UBE4B: variants seen among roughly 807,000 people sequenced by gnomAD.
The protein encoded by UBE4B is ubiquitin conjugation factor E4 B.
UBE4B carries 27 observed loss-of-function variants against 148.1 expected under a neutral mutation model. The ratio of observed to expected loss-of-function variants is 0.18; its 90% CI spans 0.13 to 0.25. The LOEUF (loss-of-function observed/expected upper bound fraction) is 0.25. UBE4B is among the 10% of genes least tolerant of loss of function. The probability of loss-of-function intolerance (pLI) is 1.00; values close to 1 mark genes in which losing one functional copy is unlikely to be tolerated. For missense variants in UBE4B, 1,170 were observed against 1,662.4 expected (o/e 0.70, Z 5.15); for synonymous variants, 596 against 619.3 (o/e 0.96, Z 0.56).
chr1:10,146,218 G>A (rs192314115), intron 18 of UBE4B, among the ~76,000 whole-genome samples: 3 of 152,204 alleles, frequency 2.0e-5, no homozygotes, highest in Non-Finnish European at 4.4e-5. Flanking sequence ...TTGAGAGGCC[G>A]AGGCAGGCAG....
intron 25 of UBE4B, among the ~76,000 whole-genome samples, chr1:10,175,957 A>T (rs1245183788): frequency 6.6e-6 from 1 of 152,148 alleles, no homozygotes. Flanking sequence ...GTATCACCCC[A>T]AAAGGAAAAC....
intron 3 of UBE4B, among the ~76,000 whole-genome samples, chr1:10,099,103 A>C (rs1644970485): frequency 6.6e-6 from 1 of 152,054 alleles, no homozygotes; most frequent in Non-Finnish European, 1.5e-5. Context: ...TTAGCCGGGC[A>C]TGGTGGTGCG....
At position 10,139,046 on chromosome 1, in the gene UBE4B, T is replaced by G. The variant is rs568906410; in HGVS notation, c.2363+1841T>G. 4.6e-5 allele frequency among the ~76,000 whole-genome samples: 7 copies of G among 152,362 alleles called. No individual in the cohort carries two copies. The South Asian group carries it at 1.4e-3, about 32-fold the overall frequency. On this transcript the variant is annotated intron_variant, in intron 17 of 27. Transcript: ENST00000343090. ...TCAAAAGAAAGCCTGACCTGTAATT[T>G]TCATTTCTTGTTAAGTGCATCTCAA...
intron 7 of UBE4B, among the ~76,000 whole-genome samples, chr1:10,109,397 G>T (rs1177721529): frequency 1.3e-5 from 2 of 152,058 alleles, no homozygotes; most frequent in Non-Finnish European, 2.9e-5. Context: ...CATCTACTCG[G>T]TTCCTTTGGC....
At chr1:10,125,483 C>T (rs1478392469) in intron 10 of UBE4B, among the ~76,000 whole-genome samples, 1 of 152,234 alleles carries the variant, frequency 6.6e-6, no homozygotes, top group African/African-American at 2.4e-5. Flanking sequence ...ACTCCACGGA[C>T]ACTTTGTCAT....
chr1:10,106,430 C>G lies in UBE4B; in HGVS notation c.1043C>G (p.Ser348Trp), dbSNP rs752419508. The G allele has an allele frequency of 6.2e-7, 1 of 1,613,750 alleles. No individual in the cohort carries two copies. Among genetic ancestry groups the G allele is most frequent in the Non-Finnish European group, 8.5e-7 (1 of 1,179,822 alleles). The change falls in exon 7 of 28, where the codon TCG (serine) becomes TGG (tryptophan). Residue 348 changes from serine to tryptophan, a missense_variant. Ser to Trp is a radical substitution (Grantham distance 177). Coordinates refer to ENST00000343090, the MANE Select transcript of UBE4B (RefSeq NM_001105562.3). This position sits in a 1 kb window ranked among gnomAD's most constrained non-coding sequence, Gnocchi z 4.2. ...GCGTCCTCAGGCGTCTCCATTCTGT[C>G]GAGCTCCCCAAGTCCCCCTGCCCTC... ...PWASSGVSIL[S>W]SSPSPPALAS...
chr1:10,109,126 A>G (rs1443411747), intron 7 of UBE4B, among the ~76,000 whole-genome samples: 1 of 152,034 alleles, frequency 6.6e-6, no homozygotes, highest in Non-Finnish European at 1.5e-5. Context: ...ATTGTGCGCC[A>G]GATGTGGTGT....
At chr1:10,120,541 A>C (rs1387459935) in intron 9 of UBE4B, among the ~76,000 whole-genome samples, 1 of 152,094 alleles carries the variant, frequency 6.6e-6, no homozygotes, top group East Asian at 1.9e-4. Flanking sequence ...TTAATAAAAT[A>C]ATAAAAAATT....
At chr1:10,175,658 T>A (rs542965210) in intron 25 of UBE4B, among the ~76,000 whole-genome samples, 131 of 151,350 alleles carry the variant, frequency 8.7e-4, no homozygotes, top group African/African-American at 2.4e-3. Context: ...CTCAAATAAA[T>A]AAATAAATAA....
chr1:10,171,516 C>T (rs372686740), intron 25 of UBE4B, among the ~76,000 whole-genome samples, 187 bp downstream of exon 25: 39 of 152,218 alleles, frequency 2.6e-4, no homozygotes, highest in African/African-American at 8.9e-4. Flanking sequence ...GAGGCCAAGG[C>T]AGGGGGATTG....
chr1:10,045,698 C>T (rs999487689), intron 1 of UBE4B, among the ~76,000 whole-genome samples: 1 of 152,060 alleles, frequency 6.6e-6, no homozygotes, highest in Non-Finnish European at 1.5e-5. Context: ...AGAAAGGCGG[C>T]CATCGAAGGA....
rs1055537823 is a variant in UBE4B, at chr1:10,121,906, C to T, written c.1440-56C>T. ...CAGTTGTTGCTGACATGACATTTCA[C>T]GTGCCTCTGTAGTGAGTTGACTTCA... On this transcript the variant is annotated intron_variant, in intron 9 of 27. Transcript: ENST00000343090. The T allele has an allele frequency of 2.0e-5, 23 of 1,150,726 alleles. No individual in the cohort carries two copies. The African/African-American group carries it at 2.0e-4, about 10-fold the overall frequency. The allele number at this position is 1,150,726 out of a possible 1,614,324, so 71.3% of individuals were successfully genotyped here.
At chr1:10,054,477 TC>T in intron 1 of UBE4B, 1 of 431,648 alleles carries the variant, frequency 2.3e-6, no homozygotes, top group South Asian at 2.0e-5. Flanking sequence ...TTCCAGCAGC[TC>T]AGGCTTCTTC....
intron 23 of UBE4B, among the ~76,000 whole-genome samples, chr1:10,162,607 CT>C (rs61393825): frequency 0.042 from 5,633 of 135,092 alleles, 251 homozygotes; most frequent in African/African-American, 0.12. Flanking sequence ...CGCGCCCAGA[CT>C]TTTTTTTTTT....
intron 1 of UBE4B, among the ~76,000 whole-genome samples, chr1:10,037,665 C>T (rs1333340941): frequency 6.6e-6 from 1 of 151,994 alleles, no homozygotes; most frequent in Non-Finnish European, 1.5e-5. Context: ...TCAAGTGATC[C>T]TCCCACCTCA....
rs546600864 is a variant in UBE4B, at chr1:10,080,646, T to C, written c.211+8432T>C. ...AGCATTATTCCAAATAGCCAAGATA[T>C]GGAAGCAACCTAAATAATCCATCTT... is the stretch of plus-strand genomic sequence containing the variant. On this transcript the variant is annotated intron_variant, in intron 2 of 27. Coordinates refer to ENST00000343090, the MANE Select transcript of UBE4B (RefSeq NM_001105562.3). Among the ~76,000 whole-genome samples the C allele has an allele frequency of 5.2e-4, 79 of 152,300 alleles. 1 individual carries two copies. Among genetic ancestry groups the C allele is most frequent in the African/African-American group, 1.8e-3 (73 of 41,570 alleles).
chr1:10,117,425 T>A, intron 7 of UBE4B, 34 bp from the exon 8 acceptor site: 1 of 1,608,776 alleles, frequency 6.2e-7, no homozygotes. Flanking sequence ...AATCAAGAGA[T>A]AAGAATCAGA....
At chr1:10,105,846 G>A in intron 6 of UBE4B, 102 bp downstream of exon 6, 3 of 1,135,908 alleles carry the variant, frequency 2.6e-6, no homozygotes, top group Non-Finnish European at 3.8e-6. Flanking sequence ...TGTCATACAG[G>A]GTATGGCATA....
intron 2 of UBE4B, among the ~76,000 whole-genome samples, chr1:10,094,798 T>G (rs1400517705): frequency 6.6e-6 from 1 of 152,056 alleles, no homozygotes; most frequent in Non-Finnish European, 1.5e-5. Flanking sequence ...ATATATCCTT[T>G]TATTGTTTTT....
Sources: allele counts gnomAD v4.1 joint callset (sites outside exome capture counted in the v4.1 genomes callset), GRCh38; gene constraint gnomAD v4.1.1; non-coding constraint Gnocchi (gnomAD v3.1); transcripts MANE v1.5; gene names NCBI Gene and HGNC (gene_info 2026-07-23, HGNC 2026-07-21).